PTPRG: variants seen among roughly 807,000 people sequenced by gnomAD.
The protein encoded by PTPRG is protein tyrosine phosphatase receptor type G.
In PTPRG, 102 loss-of-function variants were observed where a neutral mutation model predicts 165.3. The ratio of observed to expected loss-of-function variants is 0.62; its 90% confidence interval spans 0.53 to 0.73. The LOEUF is 0.73. Among genes scored for constraint, PTPRG ranks in the 30% least tolerant of loss-of-function variants. PTPRG has a pLI of 0.00. For synonymous variants in PTPRG, 675 were observed against 669.5 expected (o/e 1.01, Z -0.13); for missense variants, 1,866 against 1,861.4 (o/e 1.00, Z -0.05).
chr3:62,199,751 T>C (rs1700055310), intron 10 of PTPRG, among the ~76,000 whole-genome samples: 1 of 152,240 alleles, frequency 6.6e-6, no homozygotes, highest in African/African-American at 2.4e-5. Flanking sequence ...TATAGCACTT[T>C]TGTTTTTTGA....
At chr3:62,126,900 A>G (rs997711676) in intron 5 of PTPRG, among the ~76,000 whole-genome samples, 1 of 152,216 alleles carries the variant, frequency 6.6e-6, no homozygotes. Context: ...TGCTTTTTGT[A>G]ATATCACATT....
chr3:62,246,006 TATTTA>T (rs1701281360), intron 15 of PTPRG, among the ~76,000 whole-genome samples: 1 of 152,206 alleles, frequency 6.6e-6, no homozygotes, highest in South Asian at 2.1e-4. Context: ...CCCAGTTACC[TATTTA>T]ATTAAGAAGT....
intron 5 of PTPRG, among the ~76,000 whole-genome samples, chr3:62,091,201 C>T (rs181129044): frequency 1.3e-5 from 2 of 152,224 alleles, no homozygotes. Context: ...TACACATCCT[C>T]CTGGCCTACT....
intron 14 of PTPRG, among the ~76,000 whole-genome samples, chr3:62,234,900 T>C (rs1700989733): frequency 6.6e-6 from 1 of 152,034 alleles, no homozygotes; most frequent in Admixed American, 6.6e-5. Flanking sequence ...TCATTTGGAA[T>C]TTAACCTGGT....
intron 28 of PTPRG, among the ~76,000 whole-genome samples, chr3:62,290,005 G>T (rs1476895361): frequency 1.3e-5 from 2 of 152,056 alleles, no homozygotes; most frequent in African/African-American, 4.8e-5. Context: ...TAAAACTTAA[G>T]CAGGGTTCTT....
rs764246417 is a variant in PTPRG, at chr3:62,135,140, G to A, written c.682+2472G>A. Among the ~76,000 whole-genome samples the A allele has an allele frequency of 1.8e-3, 277 of 152,012 alleles. 8 individuals carry two copies. Among genetic ancestry groups the A allele is most frequent in the Non-Finnish European group, 1.1e-3 (76 of 67,980 alleles). On this transcript the variant is annotated intron_variant, in intron 6 of 29. Coordinates refer to ENST00000474889, the MANE Select transcript of PTPRG (RefSeq NM_002841.4). ...AATACAAAAATTAACTAGGCGTGAT[G>A]GTACATGCCTGCAGTCCCAGCTACT...
intron 12 of PTPRG, among the ~76,000 whole-genome samples, chr3:62,212,616 T>C (rs1700387619): frequency 6.6e-6 from 1 of 152,118 alleles, no homozygotes; most frequent in Non-Finnish European, 1.5e-5. Context: ...CAGAGTGAGC[T>C]TGCAGTGGGA....
chr3:62,002,817 C>T (rs1045820425), intron 3 of PTPRG, among the ~76,000 whole-genome samples: 1 of 152,196 alleles, frequency 6.6e-6, no homozygotes, highest in African/African-American at 2.4e-5. Context: ...CAACTGTCTT[C>T]CCACTTACTG....
chr3:61,664,462 T>C (rs1258718899), intron 1 of PTPRG, among the ~76,000 whole-genome samples: 1 of 152,248 alleles, frequency 6.6e-6, no homozygotes, highest in Admixed American at 6.5e-5. Context: ...AGTATAAATC[T>C]GGATATTCTG....
chr3:61,671,862 A>C (rs1575579040), intron 1 of PTPRG, among the ~76,000 whole-genome samples: 3 of 128,302 alleles, frequency 2.3e-5, no homozygotes, highest in Non-Finnish European at 3.3e-5. Flanking sequence ...GGCGCCCCTC[A>C]CCTCCCGGAC....
chr3:61,819,005 T>C (rs1275123177), intron 2 of PTPRG, among the ~76,000 whole-genome samples: 1 of 152,116 alleles, frequency 6.6e-6, no homozygotes, highest in African/African-American at 2.4e-5. Context: ...GTATGGGTCA[T>C]TCATGAAAAG....
chr3:62,124,401 C>T (rs1218454807), intron 5 of PTPRG: 74 of 1,613,770 alleles, frequency 4.6e-5, no homozygotes, highest in Middle Eastern at 3.3e-4. Context: ...AAGATGTAGT[C>T]GATGACGTGC....
At chr3:61,644,531 G>T (rs916950161) in intron 1 of PTPRG, among the ~76,000 whole-genome samples, 8 of 152,272 alleles carry the variant, frequency 5.3e-5, no homozygotes, top group African/African-American at 1.9e-4. Context: ...CTTGGATCTT[G>T]CAAGTCTTAG....
intron 5 of PTPRG, among the ~76,000 whole-genome samples, chr3:62,115,933 A>G (rs932089925): frequency 2.0e-5 from 3 of 152,220 alleles, no homozygotes; most frequent in Non-Finnish European, 4.4e-5. Context: ...TCAAGGTTTC[A>G]GTATATTTTA....
intron 16 of PTPRG, among the ~76,000 whole-genome samples, chr3:62,260,232 G>C (rs772126617): frequency 8.5e-5 from 13 of 152,268 alleles, no homozygotes; most frequent in Middle Eastern, 3.4e-3. Context: ...CCCCTACTTG[G>C]TGTAATACTT....
chr3:62,162,466 C>T (rs1704804623), intron 7 of PTPRG, among the ~76,000 whole-genome samples: 1 of 152,134 alleles, frequency 6.6e-6, no homozygotes, highest in African/African-American at 2.4e-5. Context: ...GTATTAAAGT[C>T]AAGATAAATC....
chr3:61,777,374 A>G (rs1187683601), intron 2 of PTPRG, among the ~76,000 whole-genome samples: 3 of 152,246 alleles, frequency 2.0e-5, no homozygotes, highest in Non-Finnish European at 4.4e-5. Context: ...CATATTGTAC[A>G]GCAAAGGCAG....
rs957595589 is a variant in PTPRG at position 61,885,993 on chromosome 3, C to A, written c.191-103632C>A. The stretch of plus-strand genomic sequence containing the variant: ...ATGGACCACAGGTAGATGGAAGACA[C>A]CACATGCACACACAGGGAGAGAGGG... On this transcript the variant is annotated intron_variant, in intron 2 of 29. Transcript: ENST00000474889. Among the ~76,000 whole-genome samples the A allele has an allele frequency of 6.6e-5, 10 of 151,760 alleles. No homozygotes were observed. The East Asian group carries it at 2.0e-3, about 30-fold the overall frequency.
intron 2 of PTPRG, among the ~76,000 whole-genome samples, chr3:61,941,490 G>C (rs141882000): frequency 6.6e-6 from 1 of 152,206 alleles, no homozygotes; most frequent in East Asian, 1.9e-4. Context: ...GGGCATGGCG[G>C]TGCATGCCTG....
Sources: gnomAD v4.1 joint callset for allele counts (sites outside exome capture counted in the v4.1 genomes callset) on GRCh38, gnomAD v4.1.1 for gene constraint, MANE v1.5 for transcripts, NCBI Gene and HGNC (gene_info 2026-07-23, HGNC 2026-07-21) for gene names.